The following INSC variants were observed in gnomAD, a reference collection of about 807,000 sequenced individuals.
INSC encodes protein inscuteable homolog.
INSC carries 67 observed loss-of-function variants against 58.6 expected under a neutral mutation model. That is an observed-to-expected ratio of 1.14 (90% CI 0.94 to 1.40). The LOEUF (loss-of-function observed/expected upper bound fraction) is 1.40. Ranked by LOEUF, INSC falls within the 40% of genes most tolerant of loss-of-function variation. The pLI, the probability that INSC is intolerant of heterozygous loss-of-function variation, is 0.00. For missense variants in INSC, 714 were observed against 692.0 expected, an observed-to-expected ratio of 1.03 and a Z score of -0.36; for synonymous variants, 262 against 276.1, an observed-to-expected ratio of 0.95 and a Z score of 0.51.
intron 1 of INSC, among the ~76,000 whole-genome samples, chr11:15,127,106 A>G (rs1848014693): frequency 6.6e-6 from 1 of 152,188 alleles, no homozygotes. Context: ...CTGCAAGAGG[A>G]AAAAGCCCCT....
At chr11:15,160,440 A>T (rs970292761) in intron 2 of INSC, among the ~76,000 whole-genome samples, 5 of 152,174 alleles carry the variant, frequency 3.3e-5, no homozygotes, top group African/African-American at 9.7e-5. Flanking sequence ...GACAAGTGTC[A>T]TGTGTAGGGG....
In INSC at chr11:15,134,767, G is replaced by A. The variant is rs527718961; in HGVS notation, c.-45-14363G>A. Among the ~76,000 whole-genome samples the A allele has an allele frequency of 4.6e-5, 7 of 152,136 alleles. 1 individual carries two copies. Among genetic ancestry groups the A allele is most frequent in the East Asian group, 3.9e-4 (2 of 5,184 alleles). ...ATGTTGTTTATTTCTTGCTTACCCC[G>A]CAGATTGATGTGGATTAGGTGGCTC... On this transcript the variant is annotated intron_variant, in intron 1 of 12. Coordinates refer to ENST00000379556, the MANE Select transcript of INSC (RefSeq NM_001042536.3).
At position 15,240,456 on chromosome 11, in the gene INSC, G is replaced by A. The variant is rs184157115; in HGVS notation, c.1403G>A (p.Arg468His). 115 of 1,613,818 alleles carry A rather than the reference G, an allele frequency of 7.1e-5. No homozygotes were observed. Among genetic ancestry groups the A allele is most frequent in the East Asian group, 4.0e-4 (18 of 44,842 alleles). The change falls in exon 12 of 13, where the codon CGT becomes CAT. Residue 468 changes from arginine (R) to histidine (H), a missense_variant. By Grantham distance (29) the Arg-to-His change is conservative. Coordinates refer to ENST00000379556, the MANE Select transcript of INSC (RefSeq NM_001042536.3). Reference protein sequence around the residue: ...REAVRLSCMSRLIELCRSPSE... With the variant: ...REAVRLSCMSHLIELCRSPSE... ...CCTGTGTCTCCTACAGGCATGTCCC[G>A]TCTCATCGAGCTCTGCAGATCCCCA...
chr11:15,149,222 G>C lies in INSC; in HGVS notation c.48G>C (p.Pro16=). ...GGRHLDSVTL[P]GQRLHLMQVD... is the part of the protein sequence containing the mutation. ...GCCACCTGGACTCCGTCACCCTGCC[G>C]GGTCAGCGGTAAGTCCTACAGCTGT... Residue 16 remains proline (P), a synonymous_variant, in exon 2 of 13, where the codon CCG becomes CCC. Coordinates refer to ENST00000379556, the MANE Select transcript of INSC (RefSeq NM_001042536.3). 1 of 1,605,660 alleles carries C rather than the reference G, an allele frequency of 6.2e-7. No homozygotes were observed. The highest frequency in any genetic ancestry group is 8.5e-7 in the Non-Finnish European group (1 of 1,176,416).
Position 15,200,906 on chromosome 11 carries a change from C to A in INSC, c.776C>A (p.Ala259Asp). Residue 259 changes from alanine (A) to aspartate (D), a missense_variant, in exon 7 of 13, where the codon GCC becomes GAC. Ala to Asp is a moderately radical substitution (Grantham distance 126). Transcript: ENST00000379556. ...TACCCCCAGGCGCTCCGCACGCTGG[C>A]CTCCATCTGCTGCGTGGAAGAGGGT... ...CLYPQALRTL[A>D]SICCVEEGVH... 1 of 1,613,250 alleles carries A rather than the reference C, an allele frequency of 6.2e-7. No homozygotes were observed. Among genetic ancestry groups the A allele is most frequent in the East Asian group, 2.2e-5 (1 of 44,804 alleles).
intron 7 of INSC, among the ~76,000 whole-genome samples, chr11:15,213,668 G>A (rs551358006): frequency 1.3e-5 from 2 of 152,202 alleles, no homozygotes; most frequent in African/African-American, 4.8e-5. Flanking sequence ...ACTCATCCCT[G>A]CTTTCTCTGC....
At chr11:15,150,493 G>A (rs774652651) in intron 2 of INSC, among the ~76,000 whole-genome samples, 9 of 152,166 alleles carry the variant, frequency 5.9e-5, no homozygotes, top group Admixed American at 1.3e-4. Flanking sequence ...TCACCTCAGT[G>A]CACAAAAATA....
intron 6 of INSC, among the ~76,000 whole-genome samples, chr11:15,194,104 G>A (rs1254631148): frequency 6.6e-6 from 1 of 152,178 alleles, no homozygotes; most frequent in African/African-American, 2.4e-5. Flanking sequence ...TAATTAATTA[G>A]CTTCATGGTT....
intron 2 of INSC, among the ~76,000 whole-genome samples, chr11:15,161,370 T>C (rs1849013867): frequency 6.6e-6 from 1 of 152,156 alleles, no homozygotes; most frequent in Non-Finnish European, 1.5e-5. Flanking sequence ...GAACACCAAA[T>C]GTTAAGTGAA....
intron 12 of INSC, among the ~76,000 whole-genome samples, chr11:15,244,740 T>A (rs1370187146): frequency 6.6e-6 from 1 of 152,120 alleles, no homozygotes; most frequent in Non-Finnish European, 1.5e-5. Context: ...ATTCTCAGTG[T>A]TTGCATTCCC....
chr11:15,234,536 G>C (rs1228412085), intron 9 of INSC, among the ~76,000 whole-genome samples: 4 of 152,232 alleles, frequency 2.6e-5, no homozygotes, highest in Non-Finnish European at 5.9e-5. Flanking sequence ...ACTGTCAACT[G>C]CTGTCTCAGC....
chr11:15,190,530 A>T (rs1016208749), intron 5 of INSC, among the ~76,000 whole-genome samples, 171 bp from the exon 6 acceptor site: 1 of 152,206 alleles, frequency 6.6e-6, no homozygotes, highest in African/African-American at 2.4e-5. Context: ...ACCCTGACTG[A>T]TACCTTTCCC....
In INSC at chr11:15,175,787, C is replaced by A; in HGVS notation, c.103C>A (p.Leu35Met). 6.3e-7 allele frequency: 1 copy of A among 1,598,508 alleles called. No individual in the cohort carries two copies. The highest frequency in any genetic ancestry group is 8.6e-7 in the Non-Finnish European group (1 of 1,168,046). Residue 35 changes from leucine to methionine, a missense_variant, in exon 3 of 13, where the codon CTG becomes ATG. By Grantham distance (15) the Leu-to-Met change is conservative. Transcript: ENST00000379556. ...CTCAGTCCAGCGCTGGATGGAAGATCTGAAGCTCATGACCGAGTGCGAGTG... is the reference window on the plus strand; with the variant it reads ...CTCAGTCCAGCGCTGGATGGAAGATATGAAGCTCATGACCGAGTGCGAGTG... ...VDSVQRWMEDLKLMTECECMC... is the reference protein window; with the variant it reads ...VDSVQRWMEDMKLMTECECMC...
intron 2 of INSC, among the ~76,000 whole-genome samples, chr11:15,151,316 A>G (rs988513023): frequency 1.2e-4 from 19 of 152,298 alleles, no homozygotes; most frequent in African/African-American, 4.3e-4. Context: ...GCCTCCCTGC[A>G]TGGAAAAATT....
At chr11:15,160,471 G>A (rs142872410) in intron 2 of INSC, among the ~76,000 whole-genome samples, 45 of 152,280 alleles carry the variant, frequency 3.0e-4, no homozygotes, top group Admixed American at 6.5e-4. Flanking sequence ...TCAAGAGGAG[G>A]GAGTGGGAGG....
At chr11:15,136,164 TA>T (rs1413384101) in intron 1 of INSC, among the ~76,000 whole-genome samples, 1 of 152,226 alleles carries the variant, frequency 6.6e-6, no homozygotes, top group Non-Finnish European at 1.5e-5. Flanking sequence ...CCACTGCATA[TA>T]AAAGTTATGT....
chr11:15,230,011 ATAATATAT>A (rs1851854140), intron 9 of INSC, among the ~76,000 whole-genome samples: 1 of 25,540 alleles, frequency 3.9e-5, no homozygotes, highest in Admixed American at 6.9e-4. Context: ...ATATATATAT[ATAATATAT>A]ATATATATAT....
At chr11:15,249,524 C>T (rs1852627001), downstream of INSC, among the ~76,000 whole-genome samples, 1 of 152,122 alleles carries the variant, frequency 6.6e-6, no homozygotes, top group South Asian at 2.1e-4. Context: ...AAGGAAGATA[C>T]AGATATTCAG....
the INSC span, among the ~76,000 whole-genome samples, chr11:15,256,251 G>A: frequency 2.0e-5 from 3 of 152,306 alleles, no homozygotes; most frequent in Admixed American, 6.5e-5. Flanking sequence ...TGAGGAACAA[G>A]GGTAGGGGAA....
Sources: gnomAD v4.1 joint callset for allele counts (sites outside exome capture counted in the v4.1 genomes callset) on GRCh38, gnomAD v4.1.1 for gene constraint, MANE v1.5 for transcripts, NCBI Gene and HGNC (gene_info 2026-07-23, HGNC 2026-07-21) for gene names.